LRRC4C: variants seen among roughly 807,000 people sequenced by gnomAD.
LRRC4C encodes leucine rich repeat containing 4C, also known as leucine-rich repeat-containing protein 4C.
A neutral mutation model predicts 33.6 loss-of-function variants in LRRC4C; 5 were observed. The ratio of observed to expected loss-of-function variants is 0.15; its 90% CI spans 0.08 to 0.31. LRRC4C has a LOEUF of 0.31. Ranked by LOEUF, LRRC4C falls within the 10% of genes least tolerant of loss-of-function variation. LRRC4C has a pLI of 1.00. For missense variants in LRRC4C, 560 were observed against 796.7 expected (o/e 0.70, Z 3.58); for synonymous variants, 329 against 302.0 (o/e 1.09, Z -0.93).
chr11:41,362,776 G>A (rs1952400854), intron 1 of LRRC4C, among the ~76,000 whole-genome samples: 1 of 150,828 alleles, frequency 6.6e-6, no homozygotes, highest in Admixed American at 6.7e-5. Flanking sequence ...AGCTTCTAGA[G>A]CTGCATTCCT....
chr11:41,441,998 A>G (rs1175655610), intron 1 of LRRC4C, among the ~76,000 whole-genome samples: 1 of 152,224 alleles, frequency 6.6e-6, no homozygotes, highest in African/African-American at 2.4e-5. Context: ...TTCAGTCTTC[A>G]AATTTACATA....
At chr11:40,175,748 CCA>C (rs371876148) in intron 5 of LRRC4C, among the ~76,000 whole-genome samples, 1 of 152,342 alleles carries the variant, frequency 6.6e-6, no homozygotes, top group African/African-American at 2.4e-5. Context: ...CCCTATTGAT[CCA>C]CAGTCTGCAG....
intron 1 of LRRC4C, among the ~76,000 whole-genome samples, chr11:41,455,969 G>A (rs1305515939): frequency 6.6e-6 from 1 of 152,100 alleles, no homozygotes; most frequent in African/African-American, 2.4e-5. Context: ...AAATGGAGAT[G>A]CAGATAATTG....
chr11:41,068,626 G>A (rs1938441396), intron 1 of LRRC4C, among the ~76,000 whole-genome samples: 2 of 151,992 alleles, frequency 1.3e-5, no homozygotes, highest in South Asian at 2.1e-4. Flanking sequence ...AAAAGAAATG[G>A]ATAAATTCCT....
chr11:41,027,202 A>G (rs963122384), intron 1 of LRRC4C, among the ~76,000 whole-genome samples: 1 of 151,688 alleles, frequency 6.6e-6, no homozygotes, highest in East Asian at 1.9e-4. Flanking sequence ...AAAGACTTAG[A>G]AAAAAAGAAG....
At chr11:41,304,466 C>T (rs1205636566) in intron 1 of LRRC4C, among the ~76,000 whole-genome samples, 6 of 88,250 alleles carry the variant, frequency 6.8e-5, no homozygotes, top group Admixed American at 6.3e-4. Context: ...CCCGGCCGCC[C>T]CTACTGGGAA....
chr11:41,043,800 A>G (rs1353168214), intron 1 of LRRC4C, among the ~76,000 whole-genome samples: 2 of 152,156 alleles, frequency 1.3e-5, no homozygotes, highest in East Asian at 3.8e-4. Context: ...ATTATTTATA[A>G]TAAATAACCT....
At chr11:40,888,274 T>C (rs188697669) in intron 2 of LRRC4C, among the ~76,000 whole-genome samples, 95 of 152,028 alleles carry the variant, frequency 6.2e-4, no homozygotes, top group African/African-American at 2.1e-3. Context: ...TGATAATTTA[T>C]AATAAAATGT....
At position 41,038,523 on chromosome 11, in the gene LRRC4C, C is replaced by T. The variant is rs139662865; in HGVS notation, c.-495-104800G>A. Reference sequence around the variant, plus strand: ...TTCTAATTTCAGCTTAAAGTTTTGTCGCTGCCTACTTCTAAGTCTGGCACT... The same window carrying T: ...TTCTAATTTCAGCTTAAAGTTTTGTTGCTGCCTACTTCTAAGTCTGGCACT... On this transcript the variant is annotated intron_variant, in intron 1 of 6. Transcript: ENST00000528697. Among the ~76,000 whole-genome samples the T allele has an allele frequency of 3.3e-4, 50 of 152,196 alleles. No homozygotes were observed. In the East Asian group the frequency reaches 8.3e-3, roughly 25 times the overall value.
At chr11:41,143,002 G>A (rs2135920137) in intron 1 of LRRC4C, among the ~76,000 whole-genome samples, 1 of 152,174 alleles carries the variant, frequency 6.6e-6, no homozygotes, top group South Asian at 2.1e-4. Context: ...ATATATTTGT[G>A]TTATAGAAAA....
intron 3 of LRRC4C, among the ~76,000 whole-genome samples, chr11:40,433,123 A>G (rs1361962231): frequency 6.6e-6 from 1 of 152,164 alleles, no homozygotes; most frequent in Non-Finnish European, 1.5e-5. Context: ...ATTATGTTGT[A>G]CATATATTTT....
Position 40,114,363 on chromosome 11 carries a change from A to G in LRRC4C, c.*7T>C, listed in dbSNP as rs1855254917. On this transcript the variant is annotated 3_prime_UTR_variant, in exon 7 of 7. Transcript: ENST00000528697. Reference sequence around the variant, plus strand: ...GATTGTTTGTTTTTTGTAACTCTGTAAATGTTTTAGATTTGAGTCTCTTGT... The same window carrying G: ...GATTGTTTGTTTTTTGTAACTCTGTGAATGTTTTAGATTTGAGTCTCTTGT... 1 of 1,573,986 alleles carries G rather than the reference A, an allele frequency of 6.4e-7. No homozygotes were observed. Among genetic ancestry groups the G allele is most frequent in the Non-Finnish European group, 8.6e-7 (1 of 1,160,614 alleles).
intron 1 of LRRC4C, among the ~76,000 whole-genome samples, chr11:41,295,276 T>G (rs1376407782): frequency 1.3e-5 from 2 of 152,012 alleles, no homozygotes; most frequent in Non-Finnish European, 2.9e-5. Context: ...TTGGAAAAAA[T>G]AAATGGACCA....
At chr11:40,399,559 G>A (rs996422058) in intron 3 of LRRC4C, among the ~76,000 whole-genome samples, 6 of 151,998 alleles carry the variant, frequency 3.9e-5, no homozygotes, top group African/African-American at 1.5e-4. Context: ...GGGAGGGATA[G>A]CATTAGGAGA....
chr11:40,998,154 T>C (rs1198812028), intron 1 of LRRC4C, among the ~76,000 whole-genome samples: 1 of 152,098 alleles, frequency 6.6e-6, no homozygotes, highest in Non-Finnish European at 1.5e-5. Flanking sequence ...TGTAAGAAAC[T>C]AATTCTGAAC....
At chr11:41,015,149 T>C (rs1855488270) in intron 1 of LRRC4C, among the ~76,000 whole-genome samples, 1 of 152,180 alleles carries the variant, frequency 6.6e-6, no homozygotes, top group African/African-American at 2.4e-5. Flanking sequence ...TTTTTTCTAA[T>C]GGCTAATGTA....
chr11:40,331,998 A>G (rs953420816), intron 3 of LRRC4C, among the ~76,000 whole-genome samples: 18 of 152,210 alleles, frequency 1.2e-4, no homozygotes, highest in Admixed American at 4.6e-4. Flanking sequence ...GATTAGCAGC[A>G]TTGACCCAAG....
intron 3 of LRRC4C, among the ~76,000 whole-genome samples, chr11:40,372,150 A>G (rs1227473035): frequency 1.3e-5 from 2 of 152,210 alleles, no homozygotes; most frequent in Admixed American, 1.3e-4. Flanking sequence ...GTAAAACCCA[A>G]CTAGTAGGAG....
chr11:40,521,522 T>C (rs1462715409), intron 3 of LRRC4C, among the ~76,000 whole-genome samples: 1 of 152,138 alleles, frequency 6.6e-6, no homozygotes, highest in African/African-American at 2.4e-5. Flanking sequence ...TGACAAACAA[T>C]GAGAAATGCA....
Sources: allele counts gnomAD v4.1 joint callset (sites outside exome capture counted in the v4.1 genomes callset), GRCh38; gene constraint gnomAD v4.1.1; transcripts MANE v1.5; gene names NCBI Gene and HGNC (gene_info 2026-07-23, HGNC 2026-07-21).